The following MRPS28 variants were observed in gnomAD, a reference collection of about 807,000 sequenced individuals.
MRPS28 encodes the protein mitochondrial ribosomal protein S28.
In MRPS28, 7 loss-of-function variants were observed where a neutral mutation model predicts 10.8. That is an observed-to-expected ratio of 0.65 (90% confidence interval 0.37 to 1.22). MRPS28 has a LOEUF of 1.22. Among genes scored for constraint, MRPS28 ranks in the 50% most tolerant of loss-of-function variants. MRPS28 has a pLI of 0.02. For synonymous variants in MRPS28, 121 were observed against 93.3 expected (o/e 1.30, Z -1.71); for missense variants, 265 against 232.9 (o/e 1.14, Z -0.90).
intron 2 of MRPS28, among the ~76,000 whole-genome samples, chr8:79,920,265 C>T (rs1810053218): frequency 6.6e-6 from 1 of 152,148 alleles, no homozygotes; most frequent in Non-Finnish European, 1.5e-5. Flanking sequence ...GTGCATGTGT[C>T]TTTATAGCAG....
intron 2 of MRPS28, among the ~76,000 whole-genome samples, chr8:79,994,621 C>T (rs115826665): frequency 0.016 from 2,388 of 152,084 alleles, 59 homozygotes; most frequent in African/African-American, 0.052. Context: ...TCATTTTTTT[C>T]AGCAGCTTCC....
chr8:80,030,029 G>A lies in MRPS28; in HGVS notation c.213+7C>T, dbSNP rs752181215. ...CCGCGACTCCCTCTCACCCGCCCGGGCTCCACCTTCTGTAGGGGCTCCACC... is the reference window on the plus strand; with the variant it reads ...CCGCGACTCCCTCTCACCCGCCCGGACTCCACCTTCTGTAGGGGCTCCACC... On this transcript the variant is annotated splice_region_variant and intron_variant, in intron 1 of 2. Coordinates refer to ENST00000276585, the MANE Select transcript of MRPS28 (RefSeq NM_014018.3). The A allele has an allele frequency of 6.8e-6, 11 of 1,611,968 alleles. No homozygotes were observed. The highest frequency in any genetic ancestry group is 8.5e-6 in the Non-Finnish European group (10 of 1,179,046).
chr8:79,961,438 T>G (rs1807368775), intron 2 of MRPS28, among the ~76,000 whole-genome samples: 1 of 152,156 alleles, frequency 6.6e-6, no homozygotes. Context: ...GAATCATTTT[T>G]CAGCTACCCA....
intron 1 of MRPS28, among the ~76,000 whole-genome samples, chr8:80,011,491 C>T (rs1236970623): frequency 6.6e-6 from 1 of 151,676 alleles, no homozygotes. Context: ...TTGTGGCTCA[C>T]GCCTGTGATC....
intron 2 of MRPS28, among the ~76,000 whole-genome samples, chr8:79,922,309 A>C (rs1448267881): frequency 6.6e-6 from 1 of 152,166 alleles, no homozygotes; most frequent in African/African-American, 2.4e-5. Flanking sequence ...CTTGAAGTAG[A>C]GAGAACTACA....
In MRPS28 at chr8:79,922,961, T is replaced by A. The variant is rs1270083667; in HGVS notation, c.396-3813A>T. ...CATATGATTAGTCTCCACATAATAT[T>A]TGGGTGTTCTGAAGAAATTTACGTA... is the stretch of plus-strand genomic sequence containing the variant. On this transcript the variant is annotated intron_variant, in intron 2 of 2. Coordinates refer to ENST00000276585, the MANE Select transcript of MRPS28 (RefSeq NM_014018.3). Among the ~76,000 whole-genome samples the A allele has an allele frequency of 2.0e-5, 3 of 152,168 alleles. No individual in the cohort carries two copies. In the South Asian group the frequency reaches 6.2e-4, roughly 32 times the overall value.
intron 1 of MRPS28, among the ~76,000 whole-genome samples, chr8:80,028,542 G>A (rs528141671): frequency 8.6e-5 from 13 of 151,462 alleles, no homozygotes; most frequent in Non-Finnish European, 1.6e-4. Flanking sequence ...CGTGGCAAAG[G>A]AGAATTAACT....
intron 1 of MRPS28, among the ~76,000 whole-genome samples, chr8:80,004,812 C>T (rs1051391766): frequency 1.3e-5 from 2 of 152,192 alleles, no homozygotes; most frequent in Non-Finnish European, 2.9e-5. Context: ...GAGCTGAAAA[C>T]CACGGCACAA....
chr8:79,950,888 T>C (rs1405042049), intron 2 of MRPS28, among the ~76,000 whole-genome samples: 1 of 152,230 alleles, frequency 6.6e-6, no homozygotes, highest in Admixed American at 6.5e-5. Flanking sequence ...TCCAAAGCAC[T>C]GTATTTTCTC....
At chr8:79,979,599 C>T (rs541685746) in intron 2 of MRPS28, among the ~76,000 whole-genome samples, 18 of 152,246 alleles carry the variant, frequency 1.2e-4, no homozygotes, top group African/African-American at 3.6e-4. Flanking sequence ...ACACAGCTCA[C>T]TCCAGCTGCA....
rs1409518324 is a variant in MRPS28, at chr8:80,030,032, C to T, written c.213+4G>A. On this transcript the variant is annotated splice_donor_region_variant and intron_variant, in intron 1 of 2. Coordinates refer to ENST00000276585, the MANE Select transcript of MRPS28 (RefSeq NM_014018.3). Reference sequence around the variant, plus strand: ...CGACTCCCTCTCACCCGCCCGGGCTCCACCTTCTGTAGGGGCTCCACCTTC... The same window carrying T: ...CGACTCCCTCTCACCCGCCCGGGCTTCACCTTCTGTAGGGGCTCCACCTTC... 7 of 1,612,350 alleles carry T rather than the reference C, an allele frequency of 4.3e-6. No individual in the cohort carries two copies. Among genetic ancestry groups the T allele is most frequent in the Middle Eastern group, 1.7e-4 (1 of 6,044 alleles).
At chr8:79,932,533 C>T (rs1049338414) in intron 2 of MRPS28, among the ~76,000 whole-genome samples, 1 of 152,112 alleles carries the variant, frequency 6.6e-6, no homozygotes, top group African/African-American at 2.4e-5. Context: ...AGGAGGCAGG[C>T]CATGTAAGGC....
chr8:79,955,054 T>A (rs935028060), intron 2 of MRPS28, among the ~76,000 whole-genome samples: 4 of 152,076 alleles, frequency 2.6e-5, no homozygotes, highest in Non-Finnish European at 4.4e-5. Flanking sequence ...TGAAAGAATA[T>A]CTGTGAGGCA....
At chr8:80,003,400 T>A (rs537107436) in intron 1 of MRPS28, among the ~76,000 whole-genome samples, 1 of 152,338 alleles carries the variant, frequency 6.6e-6, no homozygotes, top group East Asian at 1.9e-4. Flanking sequence ...GCACAGTGGC[T>A]CACGCCTGTT....
At chr8:79,980,704 A>C (rs1442903287) in intron 2 of MRPS28, among the ~76,000 whole-genome samples, 2 of 152,264 alleles carry the variant, frequency 1.3e-5, no homozygotes, top group African/African-American at 4.8e-5. Context: ...CCATCAAAAA[A>C]GTAAGCAATG....
intron 1 of MRPS28, chr8:80,028,568 A>G (rs1248187560): frequency 6.7e-6 from 1 of 150,244 alleles, no homozygotes; most frequent in African/African-American, 2.5e-5. Flanking sequence ...GGTGGAATTA[A>G]GATTGCTAAT....
intron 2 of MRPS28, among the ~76,000 whole-genome samples, chr8:79,930,761 C>T (rs1017577994): frequency 1.3e-5 from 2 of 152,156 alleles, no homozygotes; most frequent in African/African-American, 4.8e-5. Context: ...AAAGAAATTG[C>T]TTTTGTGCAG....
intron 1 of MRPS28, among the ~76,000 whole-genome samples, chr8:80,029,427 T>C (rs1003261256): frequency 2.0e-5 from 3 of 152,118 alleles, no homozygotes; most frequent in Non-Finnish European, 4.4e-5. Flanking sequence ...TTCCATTTCA[T>C]TTATCTATAA....
intron 1 of MRPS28, among the ~76,000 whole-genome samples, chr8:80,029,316 C>G (rs1208703011): frequency 6.6e-6 from 1 of 152,102 alleles, no homozygotes; most frequent in Non-Finnish European, 1.5e-5. Context: ...GTACTACTCC[C>G]TAGGAAGAAA....
Sources: gnomAD v4.1 joint callset for allele counts (sites outside exome capture counted in the v4.1 genomes callset) on GRCh38, gnomAD v4.1.1 for gene constraint, MANE v1.5 for transcripts, NCBI Gene and HGNC (gene_info 2026-07-23, HGNC 2026-07-21) for gene names.